The following MAP2K1 variants were observed in gnomAD, a reference collection of about 807,000 sequenced individuals.
MAP2K1 encodes the protein dual specificity mitogen-activated protein kinase kinase 1.
A neutral mutation model predicts 46.3 loss-of-function variants in MAP2K1; 16 were observed. The observed-to-expected ratio is 0.35, with a 90% confidence interval of 0.23 to 0.52. The LOEUF (loss-of-function observed/expected upper bound fraction) is 0.52, where lower values mean the gene tolerates loss of function less well. Ranked by LOEUF, MAP2K1 falls within the 20% of genes least tolerant of loss-of-function variation. The pLI is 0.94. For synonymous variants in MAP2K1, 183 were observed against 185.6 expected (o/e 0.99, Z 0.11); for missense variants, 263 against 497.1 (o/e 0.53, Z 4.48).
chr15:66,420,775 ATGTG>A (rs1417401434), intron 1 of MAP2K1, among the ~76,000 whole-genome samples: 14 of 26,370 alleles, frequency 5.3e-4, no homozygotes, highest in South Asian at 1.4e-3. Flanking sequence ...GTGTATATAT[ATGTG>A]TATATATATG....
At chr15:66,415,575 A>G (rs74019602) in intron 1 of MAP2K1, among the ~76,000 whole-genome samples, 89 of 151,672 alleles carry the variant, frequency 5.9e-4, no homozygotes, top group African/African-American at 2.1e-3. Context: ...CCAGCTCTTT[A>G]TTGCCTGGCT....
At chr15:66,429,458 C>T (rs1392776664) in intron 1 of MAP2K1, among the ~76,000 whole-genome samples, 1 of 152,182 alleles carries the variant, frequency 6.6e-6, no homozygotes, top group Non-Finnish European at 1.5e-5. Context: ...GAACGCAGAG[C>T]CAAACCATAT....
chr15:66,443,727 G>T (rs937598780), intron 4 of MAP2K1, among the ~76,000 whole-genome samples: 5 of 152,044 alleles, frequency 3.3e-5, no homozygotes, highest in African/African-American at 1.2e-4. Context: ...AAAATAAATA[G>T]CTGGGCGTGG....
chr15:66,469,690 A>G (rs1892566820), intron 5 of MAP2K1, among the ~76,000 whole-genome samples: 1 of 129,830 alleles, frequency 7.7e-6, no homozygotes, highest in African/African-American at 2.8e-5. Context: ...AAATCCTTTT[A>G]AAGACACACA....
chr15:66,441,067 G>GTCC lies in MAP2K1; in HGVS notation c.439-2209_439-2207dup, dbSNP rs202005399. The stretch of plus-strand genomic sequence containing the variant: ...AACTTTGAGCTTCTGGGCTCAAGCA[G>GTCC]TCCTCCCGCCTTAGCCTCCCAAGTA... On this transcript the variant is annotated intron_variant, in intron 3 of 10. Coordinates refer to ENST00000307102, the MANE Select transcript of MAP2K1 (RefSeq NM_002755.4). 2.0e-4 allele frequency among the ~76,000 whole-genome samples: 30 copies of GTCC among 152,242 alleles called. 1 individual carries two copies. In the East Asian group the frequency reaches 5.8e-3, roughly 29 times the overall value.
At chr15:66,434,907 C>A in intron 1 of MAP2K1, 120 bp from the exon 2 acceptor site, 1 of 788,190 alleles carries the variant, frequency 1.3e-6, no homozygotes, top group Non-Finnish European at 2.3e-6. Context: ...TCCTCTCTAG[C>A]CTCCCACTTT....
Position 66,484,142 on chromosome 15 carries a change from C to T in MAP2K1, c.694-848C>T, listed in dbSNP as rs77428206. ...ATTTTCATCATCATCAGCCACCACC[C>T]CCCCCCACCTTTTTTTCTTCCGACA... On this transcript the variant is annotated intron_variant, in intron 6 of 10. Transcript: ENST00000307102. Among the ~76,000 whole-genome samples the T allele has an allele frequency of 6.1e-4, 92 of 151,246 alleles. 1 individual carries two copies. In the South Asian group the frequency reaches 6.5e-3, roughly 11 times the overall value.
intron 3 of MAP2K1, 51 bp downstream of exon 3, chr15:66,436,943 G>C (rs765115125): frequency 6.2e-7 from 1 of 1,605,074 alleles, no homozygotes; most frequent in African/African-American, 1.3e-5. Context: ...GAGTTGGGTG[G>C]CTCTGGCCTA....
At chr15:66,449,047 TTCAG>T (rs1375566827) in intron 5 of MAP2K1, among the ~76,000 whole-genome samples, 1 of 140,438 alleles carries the variant, frequency 7.1e-6, no homozygotes, top group Non-Finnish European at 1.5e-5. Context: ...ACCAAAAACA[TTCAG>T]AGAGAGGACA....
Position 66,490,538 on chromosome 15 carries a change from G to A in MAP2K1, c.1105G>A (p.Val369Met). ...TATCAAGAGATCTGATGCTGAGGAAGTGGATTTTGCAGGTTGGCTCTGCTC... is the reference window on the plus strand; with the variant it reads ...TATCAAGAGATCTGATGCTGAGGAAATGGATTTTGCAGGTTGGCTCTGCTC... Reference protein sequence around the residue: ...AFIKRSDAEEVDFAGWLCSTI... With the variant: ...AFIKRSDAEEMDFAGWLCSTI... The change falls in exon 11 of 11, where the codon GTG becomes ATG. Residue 369 changes from valine to methionine, a missense_variant. Transcript: ENST00000307102. The A allele has an allele frequency of 6.2e-7, 1 of 1,614,206 alleles. No homozygotes were observed.
At chr15:66,408,019 T>C (rs2093402070) in intron 1 of MAP2K1, among the ~76,000 whole-genome samples, 1 of 152,248 alleles carries the variant, frequency 6.6e-6, no homozygotes. Flanking sequence ...TGACCCTGCC[T>C]TACTATGTCT....
intron 5 of MAP2K1, among the ~76,000 whole-genome samples, chr15:66,460,651 A>G (rs1166478140): frequency 6.6e-6 from 1 of 152,178 alleles, no homozygotes; most frequent in Non-Finnish European, 1.5e-5. Flanking sequence ...ATGATCCTGC[A>G]CAGAGAAGTG....
At chr15:66,399,930 AG>A (rs1185796998) in intron 1 of MAP2K1, among the ~76,000 whole-genome samples, 1 of 151,852 alleles carries the variant, frequency 6.6e-6, no homozygotes, top group African/African-American at 2.4e-5. Flanking sequence ...TTTTAGATTC[AG>A]GGGGTATATG....
chr15:66,485,011 C>T lies in MAP2K1; in HGVS notation c.715C>T (p.His239Tyr), dbSNP rs2140673875. Residue 239 changes from histidine to tyrosine, a missense_variant, in exon 7 of 11, where the codon CAT (histidine) becomes TAT (tyrosine). This residue lies in a region of MAP2K1 where 11 missense variants were observed against 52.6 expected (regional missense o/e 0.21). Transcript: ENST00000307102. ...GCAGCCAGAAAGACTCCAGGGGACT[C>T]ATTACTCTGTGCAGTCAGACATCTG... is the stretch of plus-strand genomic sequence containing the variant. ...YMSPERLQGT[H>Y]YSVQSDIWSM... The T allele has an allele frequency of 6.2e-7, 1 of 1,613,524 alleles. No homozygotes were observed. Among genetic ancestry groups the T allele is most frequent in the Non-Finnish European group, 8.5e-7 (1 of 1,180,016 alleles).
intron 1 of MAP2K1, among the ~76,000 whole-genome samples, chr15:66,418,108 C>T (rs1036557750): frequency 1.3e-5 from 2 of 152,150 alleles, no homozygotes; most frequent in Non-Finnish European, 2.9e-5. Flanking sequence ...CAAAAGGCCC[C>T]GTTGCAGAGT....
intron 5 of MAP2K1, among the ~76,000 whole-genome samples, chr15:66,457,600 A>G (rs1892199892): frequency 6.6e-6 from 1 of 152,186 alleles, no homozygotes; most frequent in Non-Finnish European, 1.5e-5. Flanking sequence ...TTTTTATAGA[A>G]AAATCTTCCT....
At chr15:66,433,974 C>G (rs941279801) in intron 1 of MAP2K1, among the ~76,000 whole-genome samples, 1 of 152,224 alleles carries the variant, frequency 6.6e-6, no homozygotes, top group African/African-American at 2.4e-5. Context: ...GCAGGCTGCT[C>G]TCTGCCATAC....
At chr15:66,416,614 G>A (rs2093425203) in intron 1 of MAP2K1, among the ~76,000 whole-genome samples, 1 of 152,196 alleles carries the variant, frequency 6.6e-6, no homozygotes, top group Non-Finnish European at 1.5e-5. Context: ...CAGTTCTGCT[G>A]TGGGACTCAC....
intron 1 of MAP2K1, among the ~76,000 whole-genome samples, chr15:66,391,403 C>T (rs768020356): frequency 2.0e-5 from 3 of 152,236 alleles, no homozygotes; most frequent in Non-Finnish European, 4.4e-5. Context: ...ATTCTCCTGC[C>T]TCAGCCTCCC....
Sources: allele counts gnomAD v4.1 joint callset (sites outside exome capture counted in the v4.1 genomes callset), GRCh38; gene constraint gnomAD v4.1.1; regional missense constraint gnomAD v4.1.1; transcripts MANE v1.5; gene names NCBI Gene and HGNC (gene_info 2026-07-23, HGNC 2026-07-21).